Variants in MYLK4 observed in about 807,000 individuals in gnomAD.
MYLK4 encodes myosin light chain kinase family member 4, also known as caMLCK like.
In MYLK4, 46 loss-of-function variants were observed where a neutral mutation model predicts 48.1. The observed-to-expected ratio is 0.96, with a 90% CI of 0.75 to 1.22. The LOEUF (loss-of-function observed/expected upper bound fraction) is 1.22, where lower values mean the gene tolerates loss of function less well. MYLK4 is among the 50% of genes most tolerant of loss of function. The pLI is 0.00. For missense variants in MYLK4, 451 were observed against 486.1 expected, an observed-to-expected ratio of 0.93 and a Z score of 0.68; for synonymous variants, 170 against 180.8, an observed-to-expected ratio of 0.94 and a Z score of 0.48.
At chr6:2,757,629 T>C in the MYLK4 span, among the ~76,000 whole-genome samples, 282 of 151,508 alleles carry the variant, frequency 1.9e-3, 1 homozygote, top group Non-Finnish European at 3.3e-3. Flanking sequence ...CTAGGGTTAT[T>C]GGTTATGTGT....
At position 2,685,461 on chromosome 6, in the gene MYLK4, G is replaced by GGC; in HGVS notation, c.435+21_435+22insGC. ...GTCAAGATGGGGCGGGGAGGGAGGG[G>GGC]ACCACCTCCCACAGGCTGTACCTTG... On this transcript the variant is annotated intron_variant, in intron 5 of 12. Transcript: ENST00000274643. This position sits in a 1 kb window ranked among gnomAD's most constrained non-coding sequence, Gnocchi z 4.5. 1.6e-6 allele frequency: 2 copies of GGC among 1,219,924 alleles called. No homozygotes were observed. Among genetic ancestry groups the GGC allele is most frequent in the Non-Finnish European group, 1.2e-6 (1 of 860,740 alleles). 75.6% of individuals were successfully genotyped at this position (1,219,924 alleles called of 1,614,324 possible).
intron 2 of MYLK4, among the ~76,000 whole-genome samples, chr6:2,723,624 A>G (rs1395571130): frequency 2.0e-5 from 3 of 152,220 alleles, no homozygotes; most frequent in Non-Finnish European, 4.4e-5. Context: ...TGGCCCCATC[A>G]GAGCACCTTG....
intron 11 of MYLK4, among the ~76,000 whole-genome samples, chr6:2,674,399 C>T (rs931833111): frequency 1.3e-5 from 2 of 152,106 alleles, no homozygotes; most frequent in African/African-American, 4.8e-5. Context: ...CCTGAATGAA[C>T]ATTACTATAT....
At chr6:2,684,840 C>G (rs1332449112) in intron 6 of MYLK4, among the ~76,000 whole-genome samples, 1 of 152,082 alleles carries the variant, frequency 6.6e-6, no homozygotes, top group Non-Finnish European at 1.5e-5. Context: ...CAATCCCTCT[C>G]CGATACCAAG....
intron 2 of MYLK4, among the ~76,000 whole-genome samples, chr6:2,729,990 C>G (rs1487564230): frequency 6.6e-6 from 1 of 152,238 alleles, no homozygotes; most frequent in Non-Finnish European, 1.5e-5. Context: ...GAAAAACTCA[C>G]TATACTTCCT....
At chr6:2,763,948 G>A in the MYLK4 span, among the ~76,000 whole-genome samples, 45 of 152,286 alleles carry the variant, frequency 3.0e-4, no homozygotes, top group Admixed American at 9.1e-4. Flanking sequence ...GGAGTTCGAG[G>A]AAGAAACCCC....
At position 2,685,598 on chromosome 6, in the gene MYLK4, G is replaced by A. The variant is rs370427413; in HGVS notation, c.342-22C>T. ...CCCTCTGCCAAAAAGAGGAAGCGGC[G>A]TAGCATGAGGCCCTGTGGTCAGCTG... On this transcript the variant is annotated intron_variant, in intron 4 of 12. Transcript: ENST00000274643. The surrounding 1 kb of genome is among the most constrained non-coding windows in gnomAD (Gnocchi z 4.5). The A allele has an allele frequency of 3.6e-5, 58 of 1,610,304 alleles. No individual in the cohort carries two copies. Among genetic ancestry groups the A allele is most frequent in the African/African-American group, 8.0e-5 (6 of 74,864 alleles).
intron 11 of MYLK4, among the ~76,000 whole-genome samples, chr6:2,674,739 C>G (rs2113094125): frequency 6.6e-6 from 1 of 152,212 alleles, no homozygotes; most frequent in African/African-American, 2.4e-5. Context: ...GGCATGGTGG[C>G]ACACGCCTGT....
chr6:2,727,720 G>A (rs1260825258), intron 2 of MYLK4, among the ~76,000 whole-genome samples: 2 of 152,034 alleles, frequency 1.3e-5, no homozygotes. Context: ...AGGCCGAGGT[G>A]GGCGGATCAC....
chr6:2,745,649 A>G (rs1234953422), intron 2 of MYLK4, among the ~76,000 whole-genome samples: 1 of 152,226 alleles, frequency 6.6e-6, no homozygotes, highest in Non-Finnish European at 1.5e-5. Flanking sequence ...AATAGGCCAC[A>G]CACAGCAGCT....
the MYLK4 span, chr6:2,765,977 G>T: frequency 7.1e-7 from 1 of 1,402,712 alleles, no homozygotes; most frequent in East Asian, 3.1e-5. Context: ...CACACCCAGC[G>T]GCGCCCGCCT....
At chr6:2,764,512 C>T in the MYLK4 span, among the ~76,000 whole-genome samples, 1 of 152,164 alleles carries the variant, frequency 6.6e-6, no homozygotes, top group East Asian at 1.9e-4. Context: ...TTCTAGTTAC[C>T]AAAAATGCCT....
intron 2 of MYLK4, among the ~76,000 whole-genome samples, chr6:2,720,895 G>A (rs1296665561): frequency 6.6e-6 from 1 of 152,164 alleles, no homozygotes; most frequent in Admixed American, 6.5e-5. Context: ...GGGCGTGGTG[G>A]CTCACACCTA....
chr6:2,729,088 A>C (rs912700), intron 2 of MYLK4, among the ~76,000 whole-genome samples: 134,308 of 152,246 alleles, frequency 0.88, 59,380 homozygotes, highest in East Asian at 0.94. Flanking sequence ...CACGCTTGGG[A>C]TCCCAAGGTT....
chr6:2,731,842 G>A (rs972990597), intron 2 of MYLK4, among the ~76,000 whole-genome samples: 1 of 152,182 alleles, frequency 6.6e-6, no homozygotes, highest in Non-Finnish European at 1.5e-5. Context: ...TGGAGATTTG[G>A]CTCCAAAGTT....
intron 1 of MYLK4, among the ~76,000 whole-genome samples, 183 bp from the exon 2 acceptor site, chr6:2,749,589 A>G (rs986945597): frequency 6.6e-6 from 1 of 152,204 alleles, no homozygotes; most frequent in South Asian, 2.1e-4. Flanking sequence ...AAGGAAAAAA[A>G]ATTTTTTCAC....
At position 2,681,591 on chromosome 6, in the gene MYLK4, T is replaced by C. The variant is rs546728454; in HGVS notation, c.688-1300A>G. On this transcript the variant is annotated intron_variant, in intron 7 of 12. Coordinates refer to ENST00000274643, the MANE Select transcript of MYLK4 (RefSeq NM_001012418.5). ...TGACGATAAAATTAAACAATGTTCA[T>C]TGGATAAATTTTGCAAAACAGAAAA... Among the ~76,000 whole-genome samples, 29 of 152,308 alleles carry C rather than the reference T, an allele frequency of 1.9e-4. 1 individual carries two copies. The East Asian group carries it at 3.5e-3, about 18-fold the overall frequency.
intron 2 of MYLK4, among the ~76,000 whole-genome samples, chr6:2,745,440 G>C (rs1380706382): frequency 6.6e-6 from 1 of 152,054 alleles, no homozygotes; most frequent in East Asian, 1.9e-4. Context: ...AGACCAATTT[G>C]GTCTTGTAAA....
At chr6:2,766,800 A>G in the MYLK4 span, among the ~76,000 whole-genome samples, 24 of 147,708 alleles carry the variant, frequency 1.6e-4, no homozygotes, top group Admixed American at 2.7e-4. Context: ...ATTCGCAAGG[A>G]ATCAGCATGT....
Sources: gnomAD v4.1 joint callset for allele counts (sites outside exome capture counted in the v4.1 genomes callset) on GRCh38, gnomAD v4.1.1 for gene constraint, Gnocchi (gnomAD v3.1) non-coding constraint, MANE v1.5 for transcripts, NCBI Gene and HGNC (gene_info 2026-07-23, HGNC 2026-07-21) for gene names.